The following ARHGAP29 variants were observed in gnomAD, a reference collection of about 807,000 sequenced individuals.
ARHGAP29 encodes Rho GTPase activating protein 29.
In ARHGAP29, 43 loss-of-function variants were observed where a neutral mutation model predicts 122.6. The ratio of observed to expected loss-of-function variants is 0.35; its 90% CI spans 0.27 to 0.45. The LOEUF is 0.45. Among genes scored for constraint, ARHGAP29 ranks in the 20% least tolerant of loss-of-function variants. The probability of loss-of-function intolerance (pLI) is 1.00; values close to 1 mark genes in which losing one functional copy is unlikely to be tolerated. For missense variants in ARHGAP29, 1,303 were observed against 1,477.2 expected, an observed-to-expected ratio of 0.88 and a Z score of 1.93; for synonymous variants, 506 against 497.1, an observed-to-expected ratio of 1.02 and a Z score of -0.24.
At chr1:94,206,648 G>C (rs1651210259) in intron 5 of ARHGAP29, among the ~76,000 whole-genome samples, 1 of 152,070 alleles carries the variant, frequency 6.6e-6, no homozygotes, top group African/African-American at 2.4e-5. Context: ...TGTAATCACA[G>C]AACTTTGGGA....
In ARHGAP29 at chr1:94,217,779, T is replaced by G. The variant is rs184784867; in HGVS notation, c.340+2479A>C. Among the ~76,000 whole-genome samples the G allele has an allele frequency of 7.6e-4, 116 of 151,814 alleles. 1 individual carries two copies. The highest frequency in any genetic ancestry group is 2.5e-3 in the African/African-American group (102 of 41,356). On this transcript the variant is annotated intron_variant, in intron 3 of 22. Coordinates refer to ENST00000260526, the MANE Select transcript of ARHGAP29 (RefSeq NM_004815.4). ...TGGGAGGATTGCTTGCGTTCCGGAG[T>G]TTAAGATTACAGTGAGCTATGAACA...
intron 2 of ARHGAP29, among the ~76,000 whole-genome samples, chr1:94,222,203 C>G (rs1652341820): frequency 6.6e-6 from 1 of 152,156 alleles, no homozygotes; most frequent in Non-Finnish European, 1.5e-5. Flanking sequence ...AGAAACAAAT[C>G]TCTTGTGTAA....
At chr1:94,252,595 C>T (rs1282027163) in intron 1 of ARHGAP29, among the ~76,000 whole-genome samples, 1 of 151,952 alleles carries the variant, frequency 6.6e-6, no homozygotes, top group Non-Finnish European at 1.5e-5. Context: ...ATACTTACAT[C>T]AGTAATAAAA....
chr1:94,254,761 A>G (rs1406512049), intron 1 of ARHGAP29, among the ~76,000 whole-genome samples: 1 of 152,256 alleles, frequency 6.6e-6, no homozygotes, highest in Non-Finnish European at 1.5e-5. Flanking sequence ...GTCAAGGGAC[A>G]GTGGATTCCA....
chr1:94,214,821 G>C (rs1234737980), intron 3 of ARHGAP29, among the ~76,000 whole-genome samples: 1 of 152,092 alleles, frequency 6.6e-6, no homozygotes, highest in Non-Finnish European at 1.5e-5. Flanking sequence ...CAACCTATTA[G>C]AGCAGCAACT....
At chr1:94,244,325 G>T (rs1386702930) in intron 1 of ARHGAP29, among the ~76,000 whole-genome samples, 2 of 151,824 alleles carry the variant, frequency 1.3e-5, no homozygotes, top group African/African-American at 4.8e-5. Flanking sequence ...GCCCAAGAAG[G>T]GTCTGTCCAA....
intron 3 of ARHGAP29, among the ~76,000 whole-genome samples, chr1:94,215,880 A>G (rs1054195350): frequency 3.3e-5 from 5 of 152,210 alleles, no homozygotes. Context: ...ACCTACCAGC[A>G]AAAGAAAAGC....
chr1:94,179,655 TACC>T (rs1156304365), intron 20 of ARHGAP29, 67 bp downstream of exon 20: 2 of 1,011,626 alleles, frequency 2.0e-6, no homozygotes, highest in Non-Finnish European at 1.4e-6. Context: ...ATGTGGATTT[TACC>T]ACAATTAAAA....
rs1297251119 is a variant in ARHGAP29 at position 94,169,195 on chromosome 1, TC to T, written c.*4673del. On this transcript the variant is annotated 3_prime_UTR_variant, in exon 23 of 23. Transcript: ENST00000260526. Reference sequence around the variant, plus strand: ...GTGAGTATTCAATAATTGCTCATTATCAAAAGGTTGTGAATTTGTCTCTCTT... The same window carrying T: ...GTGAGTATTCAATAATTGCTCATTATAAAAGGTTGTGAATTTGTCTCTCTT... 9.9e-5 allele frequency among the ~76,000 whole-genome samples: 15 copies of T among 152,232 alleles called. No homozygotes were observed. The East Asian group carries it at 2.9e-3, about 29-fold the overall frequency.
chr1:94,224,319 AT>A (rs1310166130), intron 2 of ARHGAP29, among the ~76,000 whole-genome samples: 1 of 152,208 alleles, frequency 6.6e-6, no homozygotes, highest in African/African-American at 2.4e-5. Flanking sequence ...AGTTATTTCT[AT>A]CCCCTATTCT....
intron 11 of ARHGAP29, 73 bp downstream of exon 11, chr1:94,202,471 A>G: frequency 2.6e-6 from 4 of 1,568,074 alleles, no homozygotes; most frequent in Non-Finnish European, 3.5e-6. Flanking sequence ...TGGCAGACGC[A>G]GAACTTTGAC....
intron 1 of ARHGAP29, among the ~76,000 whole-genome samples, chr1:94,264,593 TC>T (rs1166735412): frequency 6.6e-6 from 1 of 152,166 alleles, no homozygotes; most frequent in Non-Finnish European, 1.5e-5. Context: ...CATCCTATGT[TC>T]TGCCATCAAG....
chr1:94,292,529 G>A, the ARHGAP29 span, among the ~76,000 whole-genome samples: 1 of 152,180 alleles, frequency 6.6e-6, no homozygotes, highest in African/African-American at 2.4e-5. Context: ...TGGAGGAGAA[G>A]AGGCATTCTG....
At chr1:94,199,351 T>C (rs1416579863) in intron 12 of ARHGAP29, among the ~76,000 whole-genome samples, 1 of 152,106 alleles carries the variant, frequency 6.6e-6, no homozygotes, top group Non-Finnish European at 1.5e-5. Flanking sequence ...TTAATGAAAA[T>C]GGCATAGTGT....
chr1:94,307,943 A>C, the ARHGAP29 span, among the ~76,000 whole-genome samples: 1 of 152,354 alleles, frequency 6.6e-6, no homozygotes, highest in South Asian at 2.1e-4. Flanking sequence ...CTAGCAAAGC[A>C]CTGATGCTCC....
chr1:94,270,634 T>C (rs548619696), intron 1 of ARHGAP29, among the ~76,000 whole-genome samples: 10 of 152,316 alleles, frequency 6.6e-5, no homozygotes, highest in South Asian at 4.1e-4. Context: ...TCTCCCTCAG[T>C]TGGCACCTAT....
chr1:94,287,648 C>T, the ARHGAP29 span, among the ~76,000 whole-genome samples: 1 of 152,156 alleles, frequency 6.6e-6, no homozygotes, highest in African/African-American at 2.4e-5. Context: ...TGCTATCCCC[C>T]CCAGCTCCCC....
chr1:94,303,626 C>G, the ARHGAP29 span, among the ~76,000 whole-genome samples: 1 of 152,100 alleles, frequency 6.6e-6, no homozygotes, highest in African/African-American at 2.4e-5. Context: ...TTAAATGAGA[C>G]CACAGATGTA....
At chr1:94,258,255 T>G (rs1445896732) in intron 1 of ARHGAP29, among the ~76,000 whole-genome samples, 1 of 152,216 alleles carries the variant, frequency 6.6e-6, no homozygotes, top group African/African-American at 2.4e-5. Flanking sequence ...GTGTGCCAAT[T>G]TGTACATTAC....
Sources: gnomAD v4.1 joint callset for allele counts (sites outside exome capture counted in the v4.1 genomes callset) on GRCh38, gnomAD v4.1.1 for gene constraint, MANE v1.5 for transcripts, NCBI Gene and HGNC (gene_info 2026-07-23, HGNC 2026-07-21) for gene names.